CEP85L: variants seen among roughly 807,000 people sequenced by gnomAD.
CEP85L encodes the protein centrosomal protein of 85 kDa-like.
Under a neutral mutation model 100.3 loss-of-function variants are expected in CEP85L, and 60 were observed. The ratio of observed to expected loss-of-function variants is 0.60; its 90% CI spans 0.49 to 0.74. The LOEUF (loss-of-function observed/expected upper bound fraction) is 0.74. Ranked by LOEUF, CEP85L falls within the 30% of genes least tolerant of loss-of-function variation. The pLI is 0.00. For missense variants in CEP85L, 973 were observed against 936.2 expected, an observed-to-expected ratio of 1.04 and a Z score of -0.51; for synonymous variants, 319 against 322.7, an observed-to-expected ratio of 0.99 and a Z score of 0.12.
At chr6:118,607,286 T>A (rs1203599243) in intron 2 of CEP85L, among the ~76,000 whole-genome samples, 1 of 151,908 alleles carries the variant, frequency 6.6e-6, no homozygotes, top group Non-Finnish European at 1.5e-5. Context: ...AAAGGAAAAG[T>A]AGAGAAGGAA....
At chr6:118,688,525 G>C (rs1776917640) in intron 1 of CEP85L, among the ~76,000 whole-genome samples, 1 of 152,202 alleles carries the variant, frequency 6.6e-6, no homozygotes, top group African/African-American at 2.4e-5. Flanking sequence ...GAATTTCTGA[G>C]AAGTCAGTTT....
chr6:118,690,354 A>G (rs1192152829), intron 1 of CEP85L, among the ~76,000 whole-genome samples: 2 of 152,214 alleles, frequency 1.3e-5, no homozygotes, highest in East Asian at 3.8e-4. Flanking sequence ...TATTGGGAAT[A>G]CCATATTATA....
At chr6:118,497,487 T>A (rs1774996845) in intron 5 of CEP85L, among the ~76,000 whole-genome samples, 1 of 152,200 alleles carries the variant, frequency 6.6e-6, no homozygotes, top group South Asian at 2.1e-4. Flanking sequence ...TATTTCATTA[T>A]ATATTAAAAT....
At chr6:118,553,696 CAGTT>C (rs1375455803) in intron 3 of CEP85L, among the ~76,000 whole-genome samples, 2 of 152,124 alleles carry the variant, frequency 1.3e-5, no homozygotes, top group Admixed American at 1.3e-4. Flanking sequence ...TTTTCAATAA[CAGTT>C]AGCTGTTGTA....
chr6:118,466,574 G>C (rs1036455538), intron 12 of CEP85L, among the ~76,000 whole-genome samples: 1 of 152,276 alleles, frequency 6.6e-6, no homozygotes. Flanking sequence ...ACTGCAAAAT[G>C]AACAAAAGTG....
chr6:118,549,453 A>T (rs1010003692), intron 3 of CEP85L, among the ~76,000 whole-genome samples: 1 of 151,798 alleles, frequency 6.6e-6, no homozygotes, highest in Admixed American at 6.6e-5. Context: ...CATATATTTT[A>T]TTTATTTTGA....
chr6:118,543,494 TATATA>T (rs1210938209), intron 3 of CEP85L, among the ~76,000 whole-genome samples: 1 of 152,176 alleles, frequency 6.6e-6, no homozygotes, highest in Non-Finnish European at 1.5e-5. Context: ...TAAATAGACC[TATATA>T]ATATAAAAAG....
intron 3 of CEP85L, among the ~76,000 whole-genome samples, chr6:118,539,157 T>C (rs1777766564): frequency 6.6e-6 from 1 of 152,178 alleles, no homozygotes; most frequent in Admixed American, 6.5e-5. Context: ...AATCAAGTCT[T>C]TATCATATTT....
intron 1 of CEP85L, among the ~76,000 whole-genome samples, chr6:118,677,135 A>C (rs1452436991): frequency 6.6e-6 from 1 of 152,198 alleles, no homozygotes; most frequent in Non-Finnish European, 1.5e-5. Context: ...AGCTTTGGGC[A>C]AATCATTTCA....
chr6:118,557,937 C>T (rs1177904329), intron 3 of CEP85L, among the ~76,000 whole-genome samples: 5 of 151,322 alleles, frequency 3.3e-5, no homozygotes, highest in Admixed American at 6.6e-5. Context: ...CACTGATTCA[C>T]CAAATACTGG....
intron 3 of CEP85L, among the ~76,000 whole-genome samples, chr6:118,539,200 T>C (rs1402561231): frequency 6.6e-6 from 1 of 152,246 alleles, no homozygotes; most frequent in Non-Finnish European, 1.5e-5. Flanking sequence ...TTGATAGTCA[T>C]GCACTGCATA....
At chr6:118,550,621 C>T (rs58390287) in intron 3 of CEP85L, among the ~76,000 whole-genome samples, 7 of 151,802 alleles carry the variant, frequency 4.6e-5, no homozygotes, top group Admixed American at 6.6e-5. Flanking sequence ...GATCACAGAA[C>T]TAAGAAAACA....
rs1772226590 is a variant in CEP85L, at chr6:118,461,443, A to C, written c.*3962T>G. Reference sequence around the variant, plus strand: ...AAATTCCTTAATCAAGTTTATATACAGAAGAACAAGGTGCAATAATCATCA... The same window carrying C: ...AAATTCCTTAATCAAGTTTATATACCGAAGAACAAGGTGCAATAATCATCA... On this transcript the variant is annotated 3_prime_UTR_variant, in exon 13 of 13. Transcript: ENST00000368491. 6.6e-6 allele frequency: 1 copy of C among 152,080 alleles called. No individual in the cohort carries two copies. The highest frequency in any genetic ancestry group is 2.4e-5 in the African/African-American group (1 of 41,426). 9.4% of individuals were successfully genotyped at this position (152,080 alleles called of 1,614,324 possible).
intron 2 of CEP85L, among the ~76,000 whole-genome samples, chr6:118,615,594 TAG>T (rs1772981568): frequency 2.0e-5 from 3 of 152,326 alleles, no homozygotes; most frequent in African/African-American, 7.2e-5. Context: ...ATGTCCAGCC[TAG>T]TAAGAAAGTC....
chr6:118,688,418 C>T (rs927046522), intron 1 of CEP85L, among the ~76,000 whole-genome samples: 3 of 152,106 alleles, frequency 2.0e-5, no homozygotes, highest in Non-Finnish European at 4.4e-5. Flanking sequence ...ATCTCCAGCA[C>T]CTAGCATATG....
chr6:118,470,548 C>G lies in CEP85L; in HGVS notation c.2011G>C (p.Ala671Pro), dbSNP rs1269296390. Residue 671 changes from alanine to proline, a missense_variant, in exon 11 of 13, where the codon GCA becomes CCA. Around this residue, in one of 3 missense-constraint regions of CEP85L, gnomAD observed 890 missense variants for 844.5 expected, o/e 1.05. Transcript: ENST00000368491. ...TTTCTTCTACTCACTTCAAGCAATGCTTTTGTTAATCTCTGTACATTTCTT... is the reference window on the plus strand; with the variant it reads ...TTTCTTCTACTCACTTCAAGCAATGGTTTTGTTAATCTCTGTACATTTCTT... The part of the protein sequence containing the change: ...KERNVQRLTK[A>P]LLENQRQTDE... The G allele has an allele frequency of 1.3e-6, 2 of 1,584,152 alleles. No homozygotes were observed. Among genetic ancestry groups the G allele is most frequent in the Non-Finnish European group, 1.7e-6 (2 of 1,164,686 alleles).
At chr6:118,466,134 T>C (rs987752930) in intron 12 of CEP85L, among the ~76,000 whole-genome samples, 7 of 152,150 alleles carry the variant, frequency 4.6e-5, no homozygotes, top group African/African-American at 1.7e-4. Flanking sequence ...ATCAGGCTGA[T>C]AGCTGGTTGC....
At chr6:118,537,513 T>TA in intron 3 of CEP85L, 1 of 985,200 alleles carries the variant, frequency 1.0e-6, no homozygotes, top group Non-Finnish European at 1.2e-6. Flanking sequence ...CCAGAAAATA[T>TA]ACATAGGTAC....
rs748580859 is a variant in CEP85L at position 118,565,615 on chromosome 6, T to C, written c.934A>G (p.Arg312Gly). Residue 312 changes from arginine to glycine, a missense_variant, in exon 3 of 13, where the codon AGA becomes GGA. By Grantham distance (125) the Arg-to-Gly change is moderately radical. Transcript: ENST00000368491. ...EQLRTNPLEG[R>G]NTEDSYSLAP... ...AAACTGTAAGAATCCTCTGTATTTC[T>C]ACCTTCCAAAGGATTTGTCCGCAGC... is the stretch of plus-strand genomic sequence containing the variant. 6.2e-6 allele frequency: 10 copies of C among 1,614,222 alleles called. No homozygotes were observed. Among genetic ancestry groups the C allele is most frequent in the Non-Finnish European group, 7.6e-6 (9 of 1,180,022 alleles).
Sources: allele counts gnomAD v4.1 joint callset (sites outside exome capture counted in the v4.1 genomes callset), GRCh38; gene constraint gnomAD v4.1.1; regional missense constraint gnomAD v4.1.1; transcripts MANE v1.5; gene names NCBI Gene and HGNC (gene_info 2026-07-23, HGNC 2026-07-21).